CCDC144A: variants seen among roughly 807,000 people sequenced by gnomAD.
CCDC144A encodes the protein coiled-coil domain-containing protein 144A.
In CCDC144A, 41 loss-of-function variants were observed where a neutral mutation model predicts 143.8. The observed-to-expected ratio is 0.29, with a 90% CI of 0.22 to 0.37. The LOEUF (loss-of-function observed/expected upper bound fraction) is 0.37. Ranked by LOEUF, CCDC144A falls within the 10% of genes least tolerant of loss-of-function variation. The pLI is 1.00. For synonymous variants in CCDC144A, 242 were observed against 517.9 expected (o/e 0.47, Z 7.23); for missense variants, 637 against 1,488.8 (o/e 0.43, Z 9.41).
chr17:16,734,000 G>A (rs564431359), intron 11 of CCDC144A, among the ~76,000 whole-genome samples: 35 of 152,128 alleles, frequency 2.3e-4, no homozygotes, highest in Middle Eastern at 3.4e-3. Flanking sequence ...ATTTAGCTGC[G>A]TGTGGGGGTG....
chr17:16,717,822 C>T (rs1188668535), intron 6 of CCDC144A, among the ~76,000 whole-genome samples: 1 of 152,056 alleles, frequency 6.6e-6, no homozygotes, highest in Non-Finnish European at 1.5e-5. Context: ...TATTATAAAA[C>T]ATTGGCCTTT....
chr17:16,729,306 C>T (rs1243389490), intron 9 of CCDC144A, among the ~76,000 whole-genome samples: 1 of 152,028 alleles, frequency 6.6e-6, no homozygotes, highest in Admixed American at 6.5e-5. Flanking sequence ...GTGATATCTC[C>T]TTGTTGTTTT....
At chr17:16,700,647 ATT>A (rs1911682454) in intron 2 of CCDC144A, among the ~76,000 whole-genome samples, 1 of 152,216 alleles carries the variant, frequency 6.6e-6, no homozygotes, top group Admixed American at 6.5e-5. Context: ...TTATCTTAAA[ATT>A]TTATATAATA....
chr17:16,749,972 T>A (rs1312037727), intron 12 of CCDC144A, among the ~76,000 whole-genome samples: 3 of 152,246 alleles, frequency 2.0e-5, no homozygotes, highest in Admixed American at 1.3e-4. Flanking sequence ...AGCCTGTGGG[T>A]GCCATTACAT....
At chr17:16,678,751 G>GT in the CCDC144A span, among the ~76,000 whole-genome samples, 3,085 of 78,064 alleles carry the variant, frequency 0.04, 111 homozygotes, top group Non-Finnish European at 0.056. Flanking sequence ...TGGCTAATTT[G>GT]TTTTTTTTTT....
intron 12 of CCDC144A, among the ~76,000 whole-genome samples, chr17:16,743,473 C>T (rs2621537): frequency 1.3e-5 from 2 of 151,966 alleles, no homozygotes; most frequent in Non-Finnish European, 2.9e-5. Context: ...CAAGACCTTG[C>T]TCTTTTGGTT....
At chr17:16,769,719 T>G (rs1340734511) in intron 15 of CCDC144A, among the ~76,000 whole-genome samples, 4 of 152,144 alleles carry the variant, frequency 2.6e-5, no homozygotes, top group Non-Finnish European at 5.9e-5. Flanking sequence ...ATATTAATTG[T>G]TCTTTAAATT....
chr17:16,762,832 C>CTAA (rs1183855242), intron 14 of CCDC144A, among the ~76,000 whole-genome samples: 1 of 151,690 alleles, frequency 6.6e-6, no homozygotes, highest in East Asian at 1.9e-4. Context: ...TTAACCTGAT[C>CTAA]TATTAGGGTT....
At chr17:16,688,037 G>C (rs1057346978), upstream of CCDC144A, among the ~76,000 whole-genome samples, 5 of 150,976 alleles carry the variant, frequency 3.3e-5, no homozygotes, top group African/African-American at 1.2e-4. Flanking sequence ...CTATTCATAG[G>C]AAAGTGTATG....
At chr17:16,686,102 T>G (rs56160183), upstream of CCDC144A, among the ~76,000 whole-genome samples, 40,249 of 147,060 alleles carry the variant, frequency 0.27, 6,733 homozygotes, top group East Asian at 0.52. Context: ...TTTTTTTTTT[T>G]TTTTTTTTTT....
chr17:16,716,812 G>GTTTT (rs1281244236), intron 6 of CCDC144A, among the ~76,000 whole-genome samples: 6 of 131,212 alleles, frequency 4.6e-5, no homozygotes, highest in Non-Finnish European at 6.5e-5. Context: ...GATTCCAGCT[G>GTTTT]TTTTTTTTTT....
rs1307961784 is a variant in CCDC144A, at chr17:16,761,049, TGGGCGC to T, written c.3373-373_3373-368del. Among the ~76,000 whole-genome samples, 42 of 150,748 alleles carry T rather than the reference TGGGCGC, an allele frequency of 2.8e-4. No individual in the cohort carries two copies. The East Asian group carries it at 6.8e-3, about 24-fold the overall frequency. On this transcript the variant is annotated intron_variant, in intron 12 of 16. Coordinates refer to ENST00000399273, the MANE Select transcript of CCDC144A (RefSeq NM_001382000.1). Reference sequence around the variant, plus strand: ...TATTTCAAAAATTATTAGTTTTGGCTGGGCGCGGTGGCTCACGTCTGTAATCTCAGC... The same window carrying T: ...TATTTCAAAAATTATTAGTTTTGGCTGGTGGCTCACGTCTGTAATCTCAGC...
intron 6 of CCDC144A, among the ~76,000 whole-genome samples, chr17:16,714,871 C>T (rs1325848232): frequency 6.6e-6 from 1 of 152,096 alleles, no homozygotes; most frequent in Non-Finnish European, 1.5e-5. Flanking sequence ...GCTTCAGCTA[C>T]ACTAAACTTC....
chr17:16,692,683 A>G (rs978609454), intron 1 of CCDC144A, among the ~76,000 whole-genome samples: 74 of 151,926 alleles, frequency 4.9e-4, no homozygotes, highest in Non-Finnish European at 9.9e-4. Flanking sequence ...AAGAGAAGCA[A>G]CTTGTCAGAG....
intron 2 of CCDC144A, among the ~76,000 whole-genome samples, chr17:16,699,501 G>A (rs1310189351): frequency 1.4e-4 from 2 of 14,612 alleles, no homozygotes; most frequent in African/African-American, 3.1e-4. Flanking sequence ...TCAGCCTCCT[G>A]AGTAGCTGGG....
In CCDC144A at chr17:16,776,623, A is replaced by G. The variant is rs571387871; in HGVS notation, c.*2990A>G. 2.6e-5 allele frequency: 4 copies of G among 152,300 alleles called. No individual in the cohort carries two copies. Among genetic ancestry groups the G allele is most frequent in the Non-Finnish European group, 4.4e-5 (3 of 68,040 alleles). 9.4% of individuals were successfully genotyped at this position (152,300 alleles called of 1,614,324 possible). A position where few individuals can be genotyped will look rare whatever the true frequency, so the allele number is the denominator to read the frequency against. On this transcript the variant is annotated 3_prime_UTR_variant, in exon 17 of 17. Transcript: ENST00000399273. ...GAGCTGAGATGATGGAGTTTTCTAGATATAGGATCATATCATCTGCAAACA... is the reference window on the plus strand; with the variant it reads ...GAGCTGAGATGATGGAGTTTTCTAGGTATAGGATCATATCATCTGCAAACA...
intron 12 of CCDC144A, among the ~76,000 whole-genome samples, chr17:16,749,021 T>C (rs1409698491): frequency 1.3e-5 from 2 of 152,088 alleles, no homozygotes; most frequent in Non-Finnish European, 2.9e-5. Flanking sequence ...CCTGTCAGTA[T>C]TTTTATCCCT....
At chr17:16,756,427 A>G (rs1207498504) in intron 12 of CCDC144A, among the ~76,000 whole-genome samples, 1 of 151,432 alleles carries the variant, frequency 6.6e-6, no homozygotes, top group African/African-American at 2.4e-5. Flanking sequence ...TATTTTATGT[A>G]TTGAATTCTC....
rs1439706866 is a variant in CCDC144A, at chr17:16,729,502, ATTC to A, written c.2105+1764_2105+1766del. 3.3e-5 allele frequency among the ~76,000 whole-genome samples: 5 copies of A among 152,138 alleles called. No individual in the cohort carries two copies. In the South Asian group the frequency reaches 1.0e-3, roughly 32 times the overall value. On this transcript the variant is annotated intron_variant, in intron 9 of 16. Coordinates refer to ENST00000399273, the MANE Select transcript of CCDC144A (RefSeq NM_001382000.1). Reference sequence around the variant, plus strand: ...GCATAGTTTGCAAATATTTTCTCCTATTCTGTAGGTTCTCTTACTCTGATGATT... The same window carrying A: ...GCATAGTTTGCAAATATTTTCTCCTATGTAGGTTCTCTTACTCTGATGATT...
Sources: gnomAD v4.1 joint callset for allele counts (sites outside exome capture counted in the v4.1 genomes callset) on GRCh38, gnomAD v4.1.1 for gene constraint, MANE v1.5 for transcripts, NCBI Gene and HGNC (gene_info 2026-07-23, HGNC 2026-07-21) for gene names.